CACNG8: variants seen among roughly 807,000 people sequenced by gnomAD.
CACNG8 encodes calcium voltage-gated channel auxiliary subunit gamma 8, also known as voltage-dependent calcium channel gamma-8 subunit.
In CACNG8, 5 loss-of-function variants were observed where a neutral mutation model predicts 26.9. The ratio of observed to expected loss-of-function variants is 0.19; its 90% CI spans 0.10 to 0.39. The LOEUF is 0.39. CACNG8 is among the 10% of genes least tolerant of loss of function. The probability of loss-of-function intolerance (pLI) is 1.00; values close to 1 mark genes in which losing one functional copy is unlikely to be tolerated. For missense variants in CACNG8, 473 were observed against 609.4 expected, an observed-to-expected ratio of 0.78 and a Z score of 2.36; for synonymous variants, 321 against 296.7, an observed-to-expected ratio of 1.08 and a Z score of -0.84.
intron 1 of CACNG8, among the ~76,000 whole-genome samples, chr19:53,969,178 A>C (rs1199961372): frequency 2.0e-5 from 3 of 151,742 alleles, no homozygotes. Context: ...TAATTTTTGT[A>C]CTTTTAGTAG....
chr19:53,976,290 G>T (rs754781174), intron 1 of CACNG8, among the ~76,000 whole-genome samples: 1 of 152,228 alleles, frequency 6.6e-6, no homozygotes, highest in Non-Finnish European at 1.5e-5. Context: ...GGAGGTGGAG[G>T]TTGCAGTGAG....
chr19:53,964,075 G>A (rs1600022739), intron 1 of CACNG8, among the ~76,000 whole-genome samples: 1 of 152,046 alleles, frequency 6.6e-6, no homozygotes, highest in East Asian at 1.9e-4. Context: ...CTGGGATGAA[G>A]GGCATGAGCC....
At chr19:53,965,962 A>T in intron 1 of CACNG8, among the ~76,000 whole-genome samples, 1 of 152,120 alleles carries the variant, frequency 6.6e-6, no homozygotes, top group East Asian at 1.9e-4. Context: ...CTGTGTGTTG[A>T]TCAAGCCAGT....
In CACNG8 at chr19:53,982,717, C is replaced by A. The variant is rs1207317468; in HGVS notation, c.1146C>A (p.Val382=). The stretch of plus-strand genomic sequence containing the variant: ...AGGAGGCGGGCGGCGGCGTCACGGT[C>A]ACGGTCACCGGGCCGCCCGCCCCGC... The change falls in exon 4 of 4, where the codon GTC becomes GTA. Residue 382 remains valine (V), a synonymous_variant. Transcript: ENST00000270458. This position sits in a 1 kb window ranked among gnomAD's most constrained non-coding sequence, Gnocchi z 8.4. 6.0e-6 allele frequency: 7 copies of A among 1,170,162 alleles called. No homozygotes were observed. Among genetic ancestry groups the A allele is most frequent in the East Asian group, 8.3e-5 (2 of 24,064 alleles). 72.5% of individuals were successfully genotyped at this position (1,170,162 alleles called of 1,614,324 possible).
At chr19:53,978,392 T>A (rs916245368) in intron 2 of CACNG8, among the ~76,000 whole-genome samples, 163 bp downstream of exon 2, 8 of 152,030 alleles carry the variant, frequency 5.3e-5, no homozygotes, top group Admixed American at 2.0e-4. Flanking sequence ...GATCCTCTGG[T>A]CCCCGATTGG....
At chr19:53,967,710 C>T (rs2069279359) in intron 1 of CACNG8, among the ~76,000 whole-genome samples, 1 of 152,132 alleles carries the variant, frequency 6.6e-6, no homozygotes, top group Non-Finnish European at 1.5e-5. Context: ...TGGCACGCGC[C>T]TGTAGTCCCA....
At position 53,988,323 on chromosome 19, in the gene CACNG8, G is replaced by C. The variant is rs999568949; in HGVS notation, c.*5474G>C. The C allele has an allele frequency of 1.3e-5, 2 of 151,440 alleles. No individual in the cohort carries two copies. Among genetic ancestry groups the C allele is most frequent in the African/African-American group, 4.9e-5 (2 of 40,802 alleles). 9.4% of individuals were successfully genotyped at this position (151,440 alleles called of 1,614,324 possible). On this transcript the variant is annotated 3_prime_UTR_variant, in exon 4 of 4. Coordinates refer to ENST00000270458, the MANE Select transcript of CACNG8 (RefSeq NM_031895.6). ...GTGTGTGTAACTGACACAAAGGCCA[G>C]GTGCGATGGCTCACGTGTGTAATCC...
Position 53,982,674 on chromosome 19 carries a change from T to C in CACNG8, c.1103T>C (p.Leu368Pro). ...GGGGGGGCGTCCGGCTTCCTCACGC[T>C]GCACAACGCCTTCCCCAAGGAGGCG... Residue 368 changes from leucine (L) to proline (P), a missense_variant, in exon 4 of 4, where the codon CTG becomes CCG. Coordinates refer to ENST00000270458, the MANE Select transcript of CACNG8 (RefSeq NM_031895.6). The surrounding 1 kb of genome is among the most constrained non-coding windows in gnomAD (Gnocchi z 8.4). The C allele has an allele frequency of 1.8e-6, 2 of 1,102,082 alleles. No homozygotes were observed. The highest frequency in any genetic ancestry group is 8.6e-5 in the South Asian group (2 of 23,176). 68.3% of individuals were successfully genotyped at this position (1,102,082 alleles called of 1,614,324 possible).
rs761986507 is a variant in CACNG8, at chr19:53,985,176, G to A, written c.*2327G>A. ...GAGGCCTCCCCCGAAGCCTTGTGCT[G>A]GGCGGTGCTGGGAGTGGAGAGGTGA... On this transcript the variant is annotated 3_prime_UTR_variant, in exon 4 of 4. Transcript: ENST00000270458. 6.6e-6 allele frequency: 1 copy of A among 152,290 alleles called. No individual in the cohort carries two copies. The highest frequency in any genetic ancestry group is 1.5e-5 in the Non-Finnish European group (1 of 68,114). 9.4% of individuals were successfully genotyped at this position (152,290 alleles called of 1,614,324 possible). A position where few individuals can be genotyped will look rare whatever the true frequency, so the allele number is the denominator to read the frequency against.
chr19:53,980,513 C>T (rs1016813018), intron 3 of CACNG8, among the ~76,000 whole-genome samples: 1 of 151,920 alleles, frequency 6.6e-6, no homozygotes, highest in Non-Finnish European at 1.5e-5. Context: ...CCTGGGAAAC[C>T]GTCCAGGGCC....
In CACNG8 at chr19:53,982,465, C is replaced by G; in HGVS notation, c.894C>G (p.Gly298=). ...CTCCCGGCGGCCCCGGGGGCCCGGG[C>G]TTTGCCTCCACGGACATCTCCATGT... Residue 298 remains glycine, a synonymous_variant, in exon 4 of 4, where the codon GGC becomes GGG. Coordinates refer to ENST00000270458, the MANE Select transcript of CACNG8 (RefSeq NM_031895.6). This position sits in a 1 kb window ranked among gnomAD's most constrained non-coding sequence, Gnocchi z 8.4. 6.6e-7 allele frequency: 1 copy of G among 1,515,272 alleles called. No individual in the cohort carries two copies. Among genetic ancestry groups the G allele is most frequent in the Non-Finnish European group, 8.8e-7 (1 of 1,138,958 alleles). 93.9% of individuals were successfully genotyped at this position (1,515,272 alleles called of 1,614,324 possible).
Position 53,982,076 on chromosome 19 carries a change from C to T in CACNG8, c.509-4C>T. 1 of 1,567,532 alleles carries T rather than the reference C, an allele frequency of 6.4e-7. No homozygotes were observed. The highest frequency in any genetic ancestry group is 1.4e-5 in the African/African-American group (1 of 73,414). ...GAGGCTCCCGTCTGACCGTCCCCGCCCAGGCCTGAGCAACATCATCGGCGT... is the reference window on the plus strand; with the variant it reads ...GAGGCTCCCGTCTGACCGTCCCCGCTCAGGCCTGAGCAACATCATCGGCGT... On this transcript the variant is annotated splice_region_variant and splice_polypyrimidine_tract_variant and intron_variant, in intron 3 of 3. Transcript: ENST00000270458. This position sits in a 1 kb window ranked among gnomAD's most constrained non-coding sequence, Gnocchi z 8.4.
At position 53,979,752 on chromosome 19, in the gene CACNG8, A is replaced by G. The variant is rs529544703; in HGVS notation, c.368-115A>G. On this transcript the variant is annotated intron_variant, in intron 2 of 3. Transcript: ENST00000270458. ...TAAACCAGAACACAGCCGGAGAGAG[A>G]GAATCACAGAACTGTCGGGAGGCGC... is the stretch of plus-strand genomic sequence containing the variant. 4.1e-5 allele frequency: 44 copies of G among 1,063,028 alleles called. No individual in the cohort carries two copies. The African/African-American group carries it at 6.4e-4, about 15-fold the overall frequency. The allele number at this position is 1,063,028 out of a possible 1,614,324, so 65.8% of individuals were successfully genotyped here.
At chr19:53,967,409 C>T (rs1335711480) in intron 1 of CACNG8, among the ~76,000 whole-genome samples, 1 of 152,162 alleles carries the variant, frequency 6.6e-6, no homozygotes, top group Non-Finnish European at 1.5e-5. Context: ...AGTGAAGGTC[C>T]TATAAAGTGC....
chr19:53,978,497 C>G (rs2069343886), intron 2 of CACNG8, among the ~76,000 whole-genome samples: 1 of 151,964 alleles, frequency 6.6e-6, no homozygotes, highest in South Asian at 2.1e-4. Context: ...CTTTGGCCCT[C>G]GCGGCGACTC....
rs558271682 is a variant in CACNG8, at chr19:53,987,849, G to C, written c.*5000G>C. On this transcript the variant is annotated 3_prime_UTR_variant, in exon 4 of 4. Coordinates refer to ENST00000270458, the MANE Select transcript of CACNG8 (RefSeq NM_031895.6). ...GAAAGAGAGGCCGTGGCTCAAAAAC[G>C]TAAGTTTTGGAAACGTCAACATAAA... 1.3e-5 allele frequency: 2 copies of C among 151,734 alleles called. No homozygotes were observed. The highest frequency in any genetic ancestry group is 6.6e-5 in the Admixed American group (1 of 15,200). The allele number at this position is 151,734 out of a possible 1,614,324, so 9.4% of individuals were successfully genotyped here.
intron 3 of CACNG8, among the ~76,000 whole-genome samples, chr19:53,981,205 G>A (rs1304167694): frequency 6.6e-6 from 1 of 152,146 alleles, no homozygotes; most frequent in South Asian, 2.1e-4. Context: ...ACAGCAGGAT[G>A]ACATCATTAA....
At chr19:53,978,495 C>T (rs2069343871) in intron 2 of CACNG8, among the ~76,000 whole-genome samples, 1 of 151,994 alleles carries the variant, frequency 6.6e-6, no homozygotes, top group Admixed American at 6.6e-5. Context: ...CTCTTTGGCC[C>T]TCGCGGCGAC....
rs1038618915 is a variant in CACNG8 at position 53,982,603 on chromosome 19, G to A, written c.1032G>A (p.Gly344=). ...TCGGCGGCGCGGCCGGGGGCGCCGGGGGCGGCGGCGGAGGCGGCGGCGGGG... is the reference window on the plus strand; with the variant it reads ...TCGGCGGCGCGGCCGGGGGCGCCGGAGGCGGCGGCGGAGGCGGCGGCGGGG... Residue 344 remains glycine, a synonymous_variant, in exon 4 of 4, where the codon GGG becomes GGA. Transcript: ENST00000270458. This position sits in a 1 kb window ranked among gnomAD's most constrained non-coding sequence, Gnocchi z 8.4. 7.3e-5 allele frequency: 71 copies of A among 969,192 alleles called. No homozygotes were observed. The highest frequency in any genetic ancestry group is 7.8e-5 in the Non-Finnish European group (64 of 817,334). The allele number at this position is 969,192 out of a possible 1,614,324, so 60.0% of individuals were successfully genotyped here. A position where few individuals can be genotyped will look rare whatever the true frequency, so the allele number is the denominator to read the frequency against.
Sources: gnomAD v4.1 joint callset for allele counts (sites outside exome capture counted in the v4.1 genomes callset) on GRCh38, gnomAD v4.1.1 for gene constraint, Gnocchi (gnomAD v3.1) non-coding constraint, MANE v1.5 for transcripts, NCBI Gene and HGNC (gene_info 2026-07-23, HGNC 2026-07-21) for gene names.